The following CADM2 variants were observed in gnomAD, a reference collection of about 807,000 sequenced individuals.
CADM2 encodes cell adhesion molecule 2, also known as immunoglobulin superfamily member 4D.
CADM2 carries 12 observed loss-of-function variants against 49.8 expected under a neutral mutation model. The ratio of observed to expected loss-of-function variants is 0.24; its 90% confidence interval spans 0.15 to 0.39. CADM2 has a LOEUF of 0.39. CADM2 is among the 10% of genes least tolerant of loss of function. The probability of loss-of-function intolerance (pLI) is 1.00; values close to 1 mark genes in which losing one functional copy is unlikely to be tolerated. For missense variants in CADM2, 378 were observed against 492.3 expected (o/e 0.77, Z 2.20); for synonymous variants, 214 against 175.4 (o/e 1.22, Z -1.74).
chr3:85,479,229 G>C (rs2039108911), intron 1 of CADM2, among the ~76,000 whole-genome samples: 1 of 151,718 alleles, frequency 6.6e-6, no homozygotes, highest in African/African-American at 2.4e-5. Flanking sequence ...CAATACAATA[G>C]GTACTTTTAC....
intron 5 of CADM2, among the ~76,000 whole-genome samples, chr3:85,901,290 A>G (rs192148006): frequency 6.6e-6 from 1 of 152,348 alleles, no homozygotes; most frequent in East Asian, 1.9e-4. Flanking sequence ...TTAGTGTAGC[A>G]GTATCTAAAT....
At chr3:86,006,085 T>A (rs1049496724) in intron 8 of CADM2, among the ~76,000 whole-genome samples, 1 of 152,236 alleles carries the variant, frequency 6.6e-6, no homozygotes, top group African/African-American at 2.4e-5. Context: ...CTCCATTGTG[T>A]ATATGTACCA....
chr3:85,536,458 ATTGTTT>A (rs1359280965), intron 1 of CADM2, among the ~76,000 whole-genome samples: 1 of 104,584 alleles, frequency 9.6e-6, no homozygotes, highest in Non-Finnish European at 2.4e-5. Flanking sequence ...TAAATATAGT[ATTGTTT>A]TTTTCTTTTT....
intron 1 of CADM2, among the ~76,000 whole-genome samples, chr3:85,029,547 G>GA (rs1553671908): frequency 6.6e-6 from 1 of 152,306 alleles, no homozygotes; most frequent in African/African-American, 2.4e-5. Context: ...AATTTGAAAG[G>GA]TATATATATT....
intron 1 of CADM2, among the ~76,000 whole-genome samples, chr3:85,003,667 A>C (rs772848200): frequency 1.3e-5 from 2 of 152,142 alleles, no homozygotes; most frequent in African/African-American, 4.8e-5. Flanking sequence ...ACATTTCTAC[A>C]GAGTATTGTG....
At chr3:85,713,814 G>C (rs569757259) in intron 1 of CADM2, among the ~76,000 whole-genome samples, 1 of 152,158 alleles carries the variant, frequency 6.6e-6, no homozygotes, top group Non-Finnish European at 1.5e-5. Context: ...CTTTGAATTA[G>C]CATGCCTTAA....
chr3:85,915,195 A>G (rs939580452), intron 6 of CADM2, among the ~76,000 whole-genome samples: 1 of 152,192 alleles, frequency 6.6e-6, no homozygotes. Flanking sequence ...TTCAATATGC[A>G]TGAATAAGTA....
intron 1 of CADM2, chr3:85,511,862 C>T: frequency 2.0e-6 from 2 of 982,848 alleles, no homozygotes; most frequent in South Asian, 4.7e-5. Flanking sequence ...TTTAGGTAAG[C>T]ACATTAATCA....
chr3:85,959,927 G>T (rs1470034457), intron 7 of CADM2, among the ~76,000 whole-genome samples: 1 of 151,862 alleles, frequency 6.6e-6, no homozygotes, highest in Non-Finnish European at 1.5e-5. Flanking sequence ...TCATAGTTAA[G>T]TAGCATATGA....
chr3:85,577,404 T>G (rs2107276239), intron 1 of CADM2, among the ~76,000 whole-genome samples: 1 of 152,214 alleles, frequency 6.6e-6, no homozygotes, highest in Middle Eastern at 3.4e-3. Flanking sequence ...AAAAGCAAGT[T>G]AGGCCCTCTC....
intron 1 of CADM2, among the ~76,000 whole-genome samples, chr3:85,514,511 A>G (rs2060847978): frequency 6.6e-6 from 1 of 152,094 alleles, no homozygotes; most frequent in South Asian, 2.1e-4. Flanking sequence ...CATTCAATAT[A>G]TATAATATCA....
At chr3:85,904,153 G>C (rs1226317618) in intron 5 of CADM2, among the ~76,000 whole-genome samples, 1 of 152,096 alleles carries the variant, frequency 6.6e-6, no homozygotes, top group Non-Finnish European at 1.5e-5. Flanking sequence ...CCCTGTTATA[G>C]CTGGCTTCTT....
chr3:85,965,746 C>T (rs749692033), intron 8 of CADM2, among the ~76,000 whole-genome samples: 9 of 151,444 alleles, frequency 5.9e-5, no homozygotes, highest in Admixed American at 2.6e-4. Context: ...AGAAACTACC[C>T]GAATGTGCAT....
chr3:85,850,709 T>A (rs148851568), intron 3 of CADM2, among the ~76,000 whole-genome samples: 11 of 152,310 alleles, frequency 7.2e-5, no homozygotes, highest in African/African-American at 2.6e-4. Flanking sequence ...GTATCTGTTA[T>A]CTCTGAGTTA....
At chr3:85,930,770 G>A (rs1197055149) in intron 6 of CADM2, among the ~76,000 whole-genome samples, 3 of 151,836 alleles carry the variant, frequency 2.0e-5, no homozygotes, top group South Asian at 2.1e-4. Flanking sequence ...CATCCATGTT[G>A]TTAAAAATGA....
At chr3:85,059,175 C>T (rs1230197220) in intron 1 of CADM2, among the ~76,000 whole-genome samples, 2 of 151,602 alleles carry the variant, frequency 1.3e-5, no homozygotes, top group African/African-American at 4.8e-5. Context: ...GGAGGTGGAG[C>T]TTGCAGTGAG....
intron 1 of CADM2, among the ~76,000 whole-genome samples, chr3:85,011,760 C>T (rs1447802821): frequency 1.3e-5 from 2 of 151,696 alleles, no homozygotes; most frequent in African/African-American, 4.8e-5. Context: ...TATAGTGGAA[C>T]ATACCTGTGG....
At chr3:85,066,103 AAGAGAC>A (rs920914750) in intron 1 of CADM2, among the ~76,000 whole-genome samples, 1 of 152,138 alleles carries the variant, frequency 6.6e-6, no homozygotes, top group Non-Finnish European at 1.5e-5. Flanking sequence ...GAAAAAACGT[AAGAGAC>A]ACAGAGCAAC....
chr3:85,571,332 T>C (rs2062468080), intron 1 of CADM2, among the ~76,000 whole-genome samples: 1 of 150,764 alleles, frequency 6.6e-6, no homozygotes, highest in Admixed American at 6.6e-5. Context: ...TCCAGTTGAT[T>C]TATAAAACTT....
Sources: allele counts gnomAD v4.1 joint callset (sites outside exome capture counted in the v4.1 genomes callset), GRCh38; gene constraint gnomAD v4.1.1; transcripts MANE v1.5; gene names NCBI Gene and HGNC (gene_info 2026-07-23, HGNC 2026-07-21).